Variants in SYCE1 observed in about 807,000 individuals in gnomAD.
The protein encoded by SYCE1 is synaptonemal complex central element protein 1.
Under a neutral mutation model 55.1 loss-of-function variants are expected in SYCE1, and 37 were observed. The observed-to-expected ratio is 0.67, with a 90% CI of 0.52 to 0.88. SYCE1 has a LOEUF of 0.88. Among genes scored for constraint, SYCE1 ranks in the 40% least tolerant of loss-of-function variants. The pLI is 0.00. For synonymous variants in SYCE1, 163 were observed against 159.4 expected (o/e 1.02, Z -0.17); for missense variants, 399 against 416.4 (o/e 0.96, Z 0.36).
chr10:133,560,206 C>A, intron 1 of SYCE1, 53 bp from the exon 2 acceptor site: 1 of 1,556,338 alleles, frequency 6.4e-7, no homozygotes, highest in South Asian at 1.1e-5. Context: ...GAGGCCACCC[C>A]TGGGCTGAGA....
intron 4 of SYCE1, 161 bp from the exon 5 acceptor site, chr10:133,558,375 T>C (rs769460357): frequency 1.3e-6 from 1 of 749,624 alleles, no homozygotes; most frequent in Non-Finnish European, 2.3e-6. Flanking sequence ...CCCACATTCC[T>C]TGTAAGCACC....
At chr10:133,564,940 A>C (rs1212181193) in intron 1 of SYCE1, among the ~76,000 whole-genome samples, 1 of 152,164 alleles carries the variant, frequency 6.6e-6, no homozygotes, top group Non-Finnish European at 1.5e-5. Flanking sequence ...GTGAGGTAGG[A>C]GCCACTATGG....
At chr10:133,564,435 A>G in intron 1 of SYCE1, 2 of 985,390 alleles carry the variant, frequency 2.0e-6, no homozygotes, top group Non-Finnish European at 2.4e-6. Context: ...ACATGGAGCC[A>G]TGATACTGAA....
At chr10:133,555,941 G>T (rs749705701) in intron 9 of SYCE1, 38 bp from the exon 10 acceptor site, 1 of 1,613,646 alleles carries the variant, frequency 6.2e-7, no homozygotes, top group Non-Finnish European at 8.5e-7. Flanking sequence ...ATGAAGGCAC[G>T]TGAGGTCAGA....
chr10:133,556,021 A>G lies in SYCE1; in HGVS notation c.555T>C (p.Ile185=), dbSNP rs757355411. 6.2e-7 allele frequency: 1 copy of G among 1,614,056 alleles called. No homozygotes were observed. Among genetic ancestry groups the G allele is most frequent in the East Asian group, 2.2e-5 (1 of 44,872 alleles). The change falls in exon 9 of 13, where the codon ATT becomes ATC. Residue 185 remains isoleucine, a synonymous_variant. Transcript: ENST00000343131. The stretch of plus-strand genomic sequence containing the variant: ...GCTCCTTGCTGCTGTCCAGGGCACA[A>G]ATCTCCTTTGCCAGCCGCTCTGGCA... ...FHMPERLAKE[I]CALDSSKEQL...
chr10:133,567,335 G>A (rs1589975090), upstream of SYCE1, among the ~76,000 whole-genome samples: 1 of 151,660 alleles, frequency 6.6e-6, no homozygotes, highest in African/African-American at 2.4e-5. Flanking sequence ...TTAGGGTTTA[G>A]TGCTTGAGGT....
intron 1 of SYCE1, among the ~76,000 whole-genome samples, chr10:133,564,067 T>C (rs1296073537): frequency 1.3e-5 from 2 of 152,108 alleles, no homozygotes; most frequent in East Asian, 3.9e-4. Flanking sequence ...CACTATAGAA[T>C]GTTTGTGCCC....
intron 6 of SYCE1, chr10:133,557,414 C>G (rs1005940909): frequency 9.5e-6 from 5 of 525,518 alleles, no homozygotes; most frequent in East Asian, 3.3e-5. Flanking sequence ...TCCCAAAGAG[C>G]TGAAATCTCA....
At chr10:133,557,276 G>T in intron 6 of SYCE1, 120 bp from the exon 7 acceptor site, 1 of 770,726 alleles carries the variant, frequency 1.3e-6, no homozygotes, top group Non-Finnish European at 2.2e-6. Context: ...GTCCTTCTCT[G>T]TAACATGTGG....
chr10:133,556,301 C>G, intron 8 of SYCE1: 1 of 579,206 alleles, frequency 1.7e-6, no homozygotes, highest in Non-Finnish European at 3.1e-6. Context: ...ACAGATAAAC[C>G]TGCAAGCACT....
chr10:133,559,517 G>T, intron 2 of SYCE1, 157 bp from the exon 3 acceptor site: 1 of 683,072 alleles, frequency 1.5e-6, no homozygotes, highest in Non-Finnish European at 2.6e-6. Context: ...TTCTGGGTGG[G>T]CAAGACTGGG....
rs1398111048 is a variant in SYCE1 at position 133,555,432 on chromosome 10, C to T, written c.837G>A (p.Lys279=). The change falls in exon 12 of 13, where the codon AAG becomes AAA. Residue 279 remains lysine (K), a synonymous_variant. Coordinates refer to ENST00000343131, the MANE Select transcript of SYCE1 (RefSeq NM_001143764.3). ...QQQQQKRQRL[K]EELEKHGMQV... ...GCATTCCATGCTTTTCCAGCTCTTC[C>T]TTCAGCCTGGACAGGAAGAGGTAGG... The T allele has an allele frequency of 3.7e-6, 6 of 1,613,888 alleles. No homozygotes were observed. Among genetic ancestry groups the T allele is most frequent in the Non-Finnish European group, 5.1e-6 (6 of 1,179,978 alleles).
chr10:133,563,417 T>A (rs576514237), intron 1 of SYCE1, among the ~76,000 whole-genome samples: 1 of 152,268 alleles, frequency 6.6e-6, no homozygotes, highest in South Asian at 2.1e-4. Flanking sequence ...GCTCAGTGGT[T>A]CACATCCATA....
intron 8 of SYCE1, 123 bp from the exon 9 acceptor site, chr10:133,556,170 G>T: frequency 9.2e-7 from 1 of 1,091,146 alleles, no homozygotes; most frequent in Non-Finnish European, 1.3e-6. Flanking sequence ...CTGCCCCTCT[G>T]TGCACACCAG....
intron 6 of SYCE1, 70 bp from the exon 7 acceptor site, chr10:133,557,226 G>T: frequency 6.0e-6 from 8 of 1,324,700 alleles, no homozygotes; most frequent in Non-Finnish European, 7.6e-6. Flanking sequence ...TGGGGCTTCT[G>T]CCTCCCTCTA....
At chr10:133,565,136 G>A (rs1395184559) in intron 1 of SYCE1, among the ~76,000 whole-genome samples, 8 of 152,208 alleles carry the variant, frequency 5.3e-5, no homozygotes, top group Non-Finnish European at 4.4e-5. Flanking sequence ...CTTGGGATTG[G>A]GAGCGTCAGG....
At chr10:133,566,022 C>T (rs377659366), upstream of SYCE1, among the ~76,000 whole-genome samples, 95 of 152,318 alleles carry the variant, frequency 6.2e-4, no homozygotes, top group African/African-American at 2.1e-3. Flanking sequence ...TGCGGCAGCC[C>T]CCGCTGGGCC....
chr10:133,558,749 G>A (rs1851748879), intron 4 of SYCE1, 128 bp downstream of exon 4: 2 of 864,796 alleles, frequency 2.3e-6, no homozygotes, highest in South Asian at 3.2e-5. Flanking sequence ...GGGGGAGATT[G>A]GCAGGACATG....
At position 133,555,620 on chromosome 10, in the gene SYCE1, T is replaced by C. The variant is rs889404082; in HGVS notation, c.807A>G (p.Gln269=). 1.9e-6 allele frequency: 3 copies of C among 1,606,116 alleles called. No individual in the cohort carries two copies. Among genetic ancestry groups the C allele is most frequent in the South Asian group, 2.2e-5 (2 of 91,052 alleles). The change falls in exon 11 of 13, where the codon CAA becomes CAG. Residue 269 remains glutamine, a synonymous_variant. Coordinates refer to ENST00000343131, the MANE Select transcript of SYCE1 (RefSeq NM_001143764.3). The part of the protein sequence containing the change: ...QRHQQLQQKC[Q]QQQQKRQRLK... ...ACCTCTGCCGCTTCTGCTGCTGTTG[T>C]TGGCACTTCTGCTGCAGCTGCTGGT...
Sources: gnomAD v4.1 joint callset for allele counts (sites outside exome capture counted in the v4.1 genomes callset) on GRCh38, gnomAD v4.1.1 for gene constraint, MANE v1.5 for transcripts, NCBI Gene and HGNC (gene_info 2026-07-23, HGNC 2026-07-21) for gene names.